Variants in MTRF1 observed in about 807,000 individuals in gnomAD.
MTRF1 encodes peptide chain release factor 1, mitochondrial.
MTRF1 carries 51 observed loss-of-function variants against 62.9 expected under a neutral mutation model. That is an observed-to-expected ratio of 0.81 (90% CI 0.65 to 1.02). The LOEUF (loss-of-function observed/expected upper bound fraction) is 1.02, where lower values mean the gene tolerates loss of function less well. Among genes scored for constraint, MTRF1 ranks in the 50% least tolerant of loss-of-function variants. MTRF1 has a pLI of 0.00. For synonymous variants in MTRF1, 158 were observed against 181.9 expected (o/e 0.87, Z 1.06); for missense variants, 446 against 530.0 (o/e 0.84, Z 1.56).
At chr13:41,258,390 T>C (rs1233295182) in intron 2 of MTRF1, among the ~76,000 whole-genome samples, 1 of 152,096 alleles carries the variant, frequency 6.6e-6, no homozygotes. Flanking sequence ...TCTCAACTTC[T>C]GTATAAAAAT....
chr13:41,294,785 T>C, the MTRF1 span, among the ~76,000 whole-genome samples: 10 of 152,318 alleles, frequency 6.6e-5, no homozygotes, highest in Middle Eastern at 3.4e-3. Context: ...AGAAAATTTA[T>C]GAAAGGAAAT....
the MTRF1 span, among the ~76,000 whole-genome samples, chr13:41,274,467 T>C: frequency 6.6e-6 from 1 of 152,074 alleles, no homozygotes; most frequent in South Asian, 2.1e-4. Context: ...ATTAATTTAT[T>C]AATAAATCAG....
chr13:41,281,413 A>G, the MTRF1 span, among the ~76,000 whole-genome samples: 1 of 150,938 alleles, frequency 6.6e-6, no homozygotes, highest in Non-Finnish European at 1.5e-5. Flanking sequence ...GAGAATTTGT[A>G]TTTTCCACTG....
intron 6 of MTRF1, among the ~76,000 whole-genome samples, chr13:41,234,703 C>T (rs1380817503): frequency 1.3e-5 from 2 of 152,218 alleles, no homozygotes; most frequent in Non-Finnish European, 2.9e-5. Flanking sequence ...CACAAATCAA[C>T]ACCCGAGGCA....
At chr13:41,243,953 T>C (rs2037892405) in intron 5 of MTRF1, among the ~76,000 whole-genome samples, 1 of 152,216 alleles carries the variant, frequency 6.6e-6, no homozygotes, top group Admixed American at 6.5e-5. Flanking sequence ...ACTATATCTA[T>C]ACTGTCAGAT....
In MTRF1 at chr13:41,223,266, C is replaced by A. The variant is rs113314592; in HGVS notation, c.1214G>T (p.Arg405Leu). Residue 405 changes from arginine (R) to leucine (L), a missense_variant, in exon 9 of 10, where the codon CGT becomes CTT. Physicochemically the swap from Arg to Leu is moderately radical, Grantham distance 102. Transcript: ENST00000379480. ...VSDHRIAYEV[R>L]DIKEFLCGGK... ...ACTCAGTAGTATTACCTTAATATCA[C>A]GAACTTCATATGCTATCCTGTGGTC... The A allele has an allele frequency of 6.2e-7, 1 of 1,611,554 alleles. No homozygotes were observed. Among genetic ancestry groups the A allele is most frequent in the East Asian group, 2.2e-5 (1 of 44,828 alleles).
At chr13:41,220,334 A>AC (rs568867511) in intron 9 of MTRF1, among the ~76,000 whole-genome samples, 1,763 of 151,360 alleles carry the variant, frequency 0.012, 27 homozygotes, top group Middle Eastern at 0.031. Flanking sequence ...GAAAAAAAAA[A>AC]AAAAAAAAAA....
chr13:41,240,839 A>G (rs560198760), intron 5 of MTRF1, among the ~76,000 whole-genome samples: 41 of 152,338 alleles, frequency 2.7e-4, no homozygotes, highest in African/African-American at 8.9e-4. Context: ...TAATACTGGG[A>G]TGTTTTCTGT....
the MTRF1 span, among the ~76,000 whole-genome samples, chr13:41,284,700 C>T: frequency 6.6e-6 from 1 of 152,144 alleles, no homozygotes; most frequent in Non-Finnish European, 1.5e-5. Flanking sequence ...GATATCGACG[C>T]TGGAGTGCAG....
chr13:41,275,115 C>A, the MTRF1 span, among the ~76,000 whole-genome samples: 1 of 152,140 alleles, frequency 6.6e-6, no homozygotes, highest in Admixed American at 6.5e-5. Flanking sequence ...GCTGAAGATT[C>A]ATTTGATGAA....
At chr13:41,244,396 G>A (rs1014962906) in intron 5 of MTRF1, among the ~76,000 whole-genome samples, 3 of 152,054 alleles carry the variant, frequency 2.0e-5, no homozygotes, top group Admixed American at 6.5e-5. Context: ...AGTGTTGGTC[G>A]TTCTAGCTGG....
intron 5 of MTRF1, among the ~76,000 whole-genome samples, chr13:41,247,459 A>G (rs191583367): frequency 6.6e-4 from 100 of 152,192 alleles, no homozygotes; most frequent in Non-Finnish European, 1.1e-3. Flanking sequence ...ATGAAACCAC[A>G]TCTGGTATAG....
chr13:41,304,428 G>C, the MTRF1 span, among the ~76,000 whole-genome samples: 1 of 152,136 alleles, frequency 6.6e-6, no homozygotes, highest in African/African-American at 2.4e-5. Context: ...ACGTGTGCCT[G>C]GGCTTCCGCT....
At chr13:41,261,892 A>G in intron 1 of MTRF1, 1 of 458,730 alleles carries the variant, frequency 2.2e-6, no homozygotes, top group South Asian at 9.4e-5. Context: ...CTCTACAGTT[A>G]TATTAAATGG....
At position 41,223,346 on chromosome 13, in the gene MTRF1, T is replaced by C; in HGVS notation, c.1134A>G (p.Thr378=). Residue 378 remains threonine, a synonymous_variant, in exon 9 of 10, where the codon ACA becomes ACG. Coordinates refer to ENST00000379480, the MANE Select transcript of MTRF1 (RefSeq NM_004294.4). ...TCCGAATTCGCTCTGACTGGGCTCT[T>C]GTTCCCACCTGTGCCATAACAAAAA... The part of the protein sequence containing the change: ...QQSARKLQVG[T]RAQSERIRTY... 6.2e-7 allele frequency: 1 copy of C among 1,613,826 alleles called. No individual in the cohort carries two copies. Among genetic ancestry groups the C allele is most frequent in the South Asian group, 1.1e-5 (1 of 91,028 alleles).
the MTRF1 span, among the ~76,000 whole-genome samples, chr13:41,299,806 C>T: frequency 0.015 from 2,221 of 151,828 alleles, 22 homozygotes; most frequent in Middle Eastern, 0.031. Context: ...GTTTGAAAAG[C>T]TCTAAGGCAT....
At chr13:41,262,610 CTGAG>C (rs1450044918) in intron 1 of MTRF1, 7 of 151,472 alleles carry the variant, frequency 4.6e-5, no homozygotes, top group African/African-American at 1.7e-4. Flanking sequence ...AATGGTCTTA[CTGAG>C]TAAGAAAGGG....
At chr13:41,233,426 A>C in intron 7 of MTRF1, among the ~76,000 whole-genome samples, 1 of 152,364 alleles carries the variant, frequency 6.6e-6, no homozygotes, top group African/African-American at 2.4e-5. Flanking sequence ...TAAAATTTTA[A>C]TTTGAAAAAC....
chr13:41,246,602 AAAG>A (rs2038290079), intron 5 of MTRF1, among the ~76,000 whole-genome samples: 1 of 152,216 alleles, frequency 6.6e-6, no homozygotes, highest in South Asian at 2.1e-4. Context: ...CATACCAAAT[AAAG>A]AAGCTGACAT....
Sources: allele counts gnomAD v4.1 joint callset (sites outside exome capture counted in the v4.1 genomes callset), GRCh38; gene constraint gnomAD v4.1.1; transcripts MANE v1.5; gene names NCBI Gene and HGNC (gene_info 2026-07-23, HGNC 2026-07-21).